SPAG16: variants seen among roughly 807,000 people sequenced by gnomAD.
SPAG16 encodes sperm associated antigen 16.
In SPAG16, 86 loss-of-function variants were observed where a neutral mutation model predicts 80.4. The ratio of observed to expected loss-of-function variants is 1.07; its 90% CI spans 0.90 to 1.28. The LOEUF (loss-of-function observed/expected upper bound fraction) is 1.28, where lower values mean the gene tolerates loss of function less well. Among genes scored for constraint, SPAG16 ranks in the 50% most tolerant of loss-of-function variants. The pLI, the probability that SPAG16 is intolerant of heterozygous loss-of-function variation, is 0.00. For missense variants in SPAG16, 870 were observed against 765.3 expected, an observed-to-expected ratio of 1.14 and a Z score of -1.61; for synonymous variants, 294 against 265.9, an observed-to-expected ratio of 1.11 and a Z score of -1.03.
At chr2:213,743,447 G>A (rs1313072636) in intron 10 of SPAG16, among the ~76,000 whole-genome samples, 2 of 152,112 alleles carry the variant, frequency 1.3e-5, no homozygotes, top group African/African-American at 4.8e-5. Flanking sequence ...TGTTCCCTTT[G>A]TGAAGATTTG....
intron 10 of SPAG16, among the ~76,000 whole-genome samples, chr2:213,543,556 A>G (rs1312010282): frequency 6.6e-6 from 1 of 152,000 alleles, no homozygotes; most frequent in Admixed American, 6.6e-5. Flanking sequence ...CTATTCAGAT[A>G]TACATATTTA....
intron 15 of SPAG16, among the ~76,000 whole-genome samples, chr2:214,324,044 T>A (rs1696300507): frequency 6.6e-6 from 1 of 152,222 alleles, no homozygotes; most frequent in Admixed American, 6.5e-5. Flanking sequence ...TAGAGTAACC[T>A]TTAATTAATG....
At chr2:213,772,764 C>T (rs2069330416) in intron 10 of SPAG16, among the ~76,000 whole-genome samples, 1 of 152,106 alleles carries the variant, frequency 6.6e-6, no homozygotes, top group African/African-American at 2.4e-5. Flanking sequence ...AAAGCCTATG[C>T]ATTTTGGTTA....
At chr2:213,633,582 T>G (rs776124947) in intron 10 of SPAG16, among the ~76,000 whole-genome samples, 1 of 152,140 alleles carries the variant, frequency 6.6e-6, no homozygotes, top group African/African-American at 2.4e-5. Flanking sequence ...TCTTTATTGA[T>G]ATAGTGCCAG....
chr2:214,100,466 G>T (rs2052931157), intron 13 of SPAG16, among the ~76,000 whole-genome samples: 1 of 152,024 alleles, frequency 6.6e-6, no homozygotes, highest in South Asian at 2.1e-4. Flanking sequence ...TTGGTGTACA[G>T]ATTATTTCAT....
chr2:214,121,382 A>T lies in SPAG16; in HGVS notation c.1593+13121A>T, dbSNP rs549301531. Among the ~76,000 whole-genome samples the T allele has an allele frequency of 2.6e-5, 4 of 151,952 alleles. No homozygotes were observed. The East Asian group carries it at 7.7e-4, about 29-fold the overall frequency. On this transcript the variant is annotated intron_variant, in intron 14 of 15. Coordinates refer to ENST00000331683, the MANE Select transcript of SPAG16 (RefSeq NM_024532.5). ...TATCAGGACAGATTCGCTGTTCCTT[A>T]GAAAGCTACTGTGGCATCATAGTTT... is the stretch of plus-strand genomic sequence containing the variant.
At chr2:213,832,845 A>G (rs991635314) in intron 10 of SPAG16, among the ~76,000 whole-genome samples, 1 of 152,092 alleles carries the variant, frequency 6.6e-6, no homozygotes, top group Admixed American at 6.5e-5. Context: ...TAAATTTGCC[A>G]TGCTTTTCTC....
chr2:213,331,797 G>C (rs945297333), intron 5 of SPAG16, among the ~76,000 whole-genome samples: 6 of 152,136 alleles, frequency 3.9e-5, no homozygotes, highest in African/African-American at 1.4e-4. Flanking sequence ...ATCAGTGAAG[G>C]AATTAAGAAG....
intron 9 of SPAG16, among the ~76,000 whole-genome samples, chr2:213,476,959 G>A (rs2073436028): frequency 6.6e-6 from 1 of 152,166 alleles, no homozygotes; most frequent in South Asian, 2.1e-4. Flanking sequence ...GCAACAGAAA[G>A]AAAGCTCTCA....
intron 15 of SPAG16, among the ~76,000 whole-genome samples, chr2:214,184,814 T>C (rs2057417116): frequency 6.6e-6 from 1 of 152,134 alleles, no homozygotes; most frequent in Non-Finnish European, 1.5e-5. Context: ...CAATTTTTGC[T>C]TTTTAGCCAT....
chr2:213,438,043 T>G (rs2070740209), intron 9 of SPAG16, among the ~76,000 whole-genome samples: 1 of 152,122 alleles, frequency 6.6e-6, no homozygotes, highest in Admixed American at 6.6e-5. Flanking sequence ...ATCTGAGAGG[T>G]TCAGGCAGTG....
intron 10 of SPAG16, among the ~76,000 whole-genome samples, chr2:213,843,478 T>C (rs1301256071): frequency 1.3e-5 from 2 of 152,244 alleles, no homozygotes; most frequent in Non-Finnish European, 2.9e-5. Context: ...CCCAAGATTA[T>C]GAAAGCCATA....
intron 10 of SPAG16, among the ~76,000 whole-genome samples, chr2:213,606,151 C>T (rs973233580): frequency 6.6e-6 from 1 of 152,048 alleles, no homozygotes; most frequent in Non-Finnish European, 1.5e-5. Context: ...TGATTTATTC[C>T]TTTTTGGTGT....
chr2:214,013,622 CA>C (rs1407220730), intron 12 of SPAG16, among the ~76,000 whole-genome samples: 1 of 152,004 alleles, frequency 6.6e-6, no homozygotes, highest in Non-Finnish European at 1.5e-5. Context: ...TGAATTAGTG[CA>C]AAATTTTTTA....
At chr2:213,773,542 G>A (rs1012557229) in intron 10 of SPAG16, among the ~76,000 whole-genome samples, 13 of 151,794 alleles carry the variant, frequency 8.6e-5, no homozygotes, top group Non-Finnish European at 1.5e-4. Context: ...GTTTTAATTT[G>A]GAAATTTTTC....
chr2:213,649,413 C>T (rs968688316), intron 10 of SPAG16, among the ~76,000 whole-genome samples: 2 of 152,194 alleles, frequency 1.3e-5, no homozygotes, highest in Non-Finnish European at 2.9e-5. Context: ...GCAATGTTTG[C>T]AGTAGTTATG....
At chr2:213,717,734 C>T (rs1479075306) in intron 10 of SPAG16, among the ~76,000 whole-genome samples, 1 of 151,934 alleles carries the variant, frequency 6.6e-6, no homozygotes, top group Non-Finnish European at 1.5e-5. Flanking sequence ...TAGTATTATC[C>T]CTAAAATATA....
intron 10 of SPAG16, among the ~76,000 whole-genome samples, chr2:213,761,929 C>CGAAT (rs1559447296): frequency 2.0e-5 from 3 of 151,738 alleles, no homozygotes; most frequent in Non-Finnish European, 4.4e-5. Context: ...ATATCTCTTA[C>CGAAT]GAATATTGAG....
chr2:214,175,539 G>C (rs1014677225), intron 15 of SPAG16, among the ~76,000 whole-genome samples: 3 of 151,202 alleles, frequency 2.0e-5, no homozygotes, highest in African/African-American at 7.3e-5. Flanking sequence ...GGCTAGTGGA[G>C]ATCGGGGTAT....
Sources: allele counts gnomAD v4.1 joint callset (sites outside exome capture counted in the v4.1 genomes callset), GRCh38; gene constraint gnomAD v4.1.1; transcripts MANE v1.5; gene names NCBI Gene and HGNC (gene_info 2026-07-23, HGNC 2026-07-21).